DGKG: variants seen among roughly 807,000 people sequenced by gnomAD.
DGKG encodes diacylglycerol kinase gamma, also known as DAG kinase gamma.
Under a neutral mutation model 105.3 loss-of-function variants are expected in DGKG, and 78 were observed. The ratio of observed to expected loss-of-function variants is 0.74; its 90% CI spans 0.62 to 0.89. The LOEUF is 0.89. Ranked by LOEUF, DGKG falls within the 40% of genes least tolerant of loss-of-function variation. The pLI, the probability that DGKG is intolerant of heterozygous loss-of-function variation, is 0.00. For synonymous variants in DGKG, 346 were observed against 367.1 expected (o/e 0.94, Z 0.66); for missense variants, 958 against 1,020.1 (o/e 0.94, Z 0.83).
At chr3:186,173,042 C>T (rs1484635396) in intron 22 of DGKG, among the ~76,000 whole-genome samples, 1 of 152,238 alleles carries the variant, frequency 6.6e-6, no homozygotes, top group African/African-American at 2.4e-5. Flanking sequence ...TGCCTCTTCA[C>T]AGGGCCATTC....
At chr3:186,354,480 A>G (rs1014290419) in intron 1 of DGKG, among the ~76,000 whole-genome samples, 21 of 152,312 alleles carry the variant, frequency 1.4e-4, no homozygotes, top group African/African-American at 4.8e-4. Context: ...AAACACACAG[A>G]AAGGAGTGAT....
At chr3:186,333,519 A>G (rs1008699083) in intron 1 of DGKG, among the ~76,000 whole-genome samples, 7 of 152,168 alleles carry the variant, frequency 4.6e-5, no homozygotes, top group African/African-American at 1.7e-4. Context: ...TCATGTTATG[A>G]CTTATATTCC....
intron 24 of DGKG, among the ~76,000 whole-genome samples, chr3:186,151,432 G>A (rs1354068181): frequency 6.6e-6 from 1 of 152,178 alleles, no homozygotes; most frequent in Non-Finnish European, 1.5e-5. Context: ...AACAAGGTGG[G>A]CATGGAATGA....
At chr3:186,344,202 AACT>A (rs1232605809) in intron 1 of DGKG, among the ~76,000 whole-genome samples, 2 of 152,224 alleles carry the variant, frequency 1.3e-5, no homozygotes, top group African/African-American at 2.4e-5. Flanking sequence ...CTAAAAGCAG[AACT>A]ACCATTGGAC....
chr3:186,216,392 T>C (rs1384047347), intron 20 of DGKG, among the ~76,000 whole-genome samples: 1 of 152,170 alleles, frequency 6.6e-6, no homozygotes, highest in Non-Finnish European at 1.5e-5. Context: ...GAAATGCTTC[T>C]ATTTCTCCTC....
chr3:186,175,440 G>A (rs983236628), intron 22 of DGKG, among the ~76,000 whole-genome samples: 9 of 152,316 alleles, frequency 5.9e-5, no homozygotes, highest in South Asian at 2.1e-4. Context: ...CCAGGGCTCC[G>A]ATGAAGGCGC....
chr3:186,341,150 G>T (rs1458603363), intron 1 of DGKG, among the ~76,000 whole-genome samples: 1 of 152,166 alleles, frequency 6.6e-6, no homozygotes, highest in East Asian at 1.9e-4. Flanking sequence ...TTGGGAATAG[G>T]GATAATGTTG....
rs150403746 is a variant in DGKG, at chr3:186,310,651, G to T, written c.68-3674C>A. On this transcript the variant is annotated intron_variant, in intron 2 of 24. Transcript: ENST00000265022. ...ATAGCATCCCTTGGTCTTATTTTAG[G>T]TGTCATCTGTGGGTCCAATAGTATA... Among the ~76,000 whole-genome samples the T allele has an allele frequency of 4.0e-3, 606 of 152,264 alleles. 6 individuals are homozygous for T. Among genetic ancestry groups the T allele is most frequent in the African/African-American group, 0.014 (567 of 41,540 alleles).
intron 11 of DGKG, among the ~76,000 whole-genome samples, chr3:186,271,975 T>C (rs184602429): frequency 6.6e-6 from 1 of 152,348 alleles, no homozygotes; most frequent in Non-Finnish European, 1.5e-5. Flanking sequence ...TGTTCTTTGC[T>C]TACATGCCCG....
intron 3 of DGKG, among the ~76,000 whole-genome samples, chr3:186,305,881 G>T (rs1165110262): frequency 6.6e-6 from 1 of 152,156 alleles, no homozygotes; most frequent in Non-Finnish European, 1.5e-5. Context: ...GGAGTAGACT[G>T]CTGGAAAAAC....
intron 1 of DGKG, among the ~76,000 whole-genome samples, chr3:186,341,393 T>C (rs1415971448): frequency 1.3e-5 from 2 of 152,214 alleles, no homozygotes; most frequent in East Asian, 1.9e-4. Flanking sequence ...ACAACTGTAG[T>C]CCTAGCTACT....
At chr3:186,354,485 A>C (rs1726810373) in intron 1 of DGKG, among the ~76,000 whole-genome samples, 1 of 152,164 alleles carries the variant, frequency 6.6e-6, no homozygotes, top group Non-Finnish European at 1.5e-5. Context: ...CACAGAAAGG[A>C]GTGATGGACC....
intron 22 of DGKG, among the ~76,000 whole-genome samples, chr3:186,184,200 T>C (rs1307021133): frequency 2.4e-4 from 36 of 152,156 alleles, no homozygotes; most frequent in Non-Finnish European, 4.4e-5. Flanking sequence ...AGCCATGTAT[T>C]ATTATGCCAG....
In DGKG at chr3:186,307,739, A is replaced by G. The variant is rs570921465; in HGVS notation, c.68-762T>C. On this transcript the variant is annotated intron_variant, in intron 2 of 24. Coordinates refer to ENST00000265022, the MANE Select transcript of DGKG (RefSeq NM_001346.3). ...TGAGTATATAAACATCTGAGTGAAA[A>G]TTTCAAAACATTAAAAATTCATTAA... 4.6e-5 allele frequency among the ~76,000 whole-genome samples: 7 copies of G among 152,348 alleles called. No individual in the cohort carries two copies. In the South Asian group the frequency reaches 6.2e-4, roughly 14 times the overall value.
intron 20 of DGKG, among the ~76,000 whole-genome samples, chr3:186,214,998 A>G: frequency 6.6e-6 from 1 of 152,202 alleles, no homozygotes; most frequent in Non-Finnish European, 1.5e-5. Flanking sequence ...GGCAAGAGAG[A>G]GAATAGTCTT....
chr3:186,267,897 G>T, intron 12 of DGKG, 120 bp from the exon 13 acceptor site: 1 of 850,632 alleles, frequency 1.2e-6, no homozygotes, highest in East Asian at 2.6e-5. Flanking sequence ...CTGATGCACT[G>T]CTGGCTTTGA....
At chr3:186,244,759 C>T (rs914042201) in intron 19 of DGKG, among the ~76,000 whole-genome samples, 15 of 152,096 alleles carry the variant, frequency 9.9e-5, no homozygotes, top group Non-Finnish European at 2.2e-4. Context: ...TGGAGAGGCA[C>T]CCCCATGGGT....
intron 3 of DGKG, among the ~76,000 whole-genome samples, chr3:186,306,512 A>T (rs953904306): frequency 4.6e-5 from 7 of 152,162 alleles, no homozygotes; most frequent in South Asian, 2.1e-4. Context: ...TTGGACGTAG[A>T]TAGGAGCATG....
chr3:186,274,364 A>T (rs1190309984), intron 10 of DGKG, among the ~76,000 whole-genome samples: 2 of 151,598 alleles, frequency 1.3e-5, no homozygotes, highest in East Asian at 3.9e-4. Context: ...ATTTTTTTTT[A>T]GTATTTTTAT....
Sources: allele counts gnomAD v4.1 joint callset (sites outside exome capture counted in the v4.1 genomes callset), GRCh38; gene constraint gnomAD v4.1.1; transcripts MANE v1.5; gene names NCBI Gene and HGNC (gene_info 2026-07-23, HGNC 2026-07-21).